The following LMO7 variants were observed in gnomAD, a reference collection of about 807,000 sequenced individuals.
LMO7 encodes the protein LIM domain 7.
In LMO7, 120 loss-of-function variants were observed where a neutral mutation model predicts 206.5. The observed-to-expected ratio is 0.58, with a 90% CI of 0.50 to 0.68. The LOEUF (loss-of-function observed/expected upper bound fraction) is 0.68. LMO7 is among the 30% of genes least tolerant of loss of function. The probability of loss-of-function intolerance (pLI) is 0.00; values close to 1 mark genes in which losing one functional copy is unlikely to be tolerated. For synonymous variants in LMO7, 706 were observed against 681.5 expected (o/e 1.04, Z -0.56); for missense variants, 1,959 against 1,957.9 (o/e 1.00, Z -0.01).
intron 1 of LMO7, among the ~76,000 whole-genome samples, chr13:75,656,943 G>A (rs1357519523): frequency 6.6e-6 from 1 of 152,144 alleles, no homozygotes; most frequent in Admixed American, 6.5e-5. Flanking sequence ...CCCCGGTACC[G>A]CAGAATGTTT....
intron 1 of LMO7, among the ~76,000 whole-genome samples, chr13:75,712,322 A>G (rs1308280403): frequency 6.6e-6 from 1 of 152,150 alleles, no homozygotes; most frequent in African/African-American, 2.4e-5. Flanking sequence ...AGCTGGTGTC[A>G]CTGCTGTTGG....
At chr13:75,724,243 C>G (rs150664849) in intron 2 of LMO7, among the ~76,000 whole-genome samples, 1 of 152,272 alleles carries the variant, frequency 6.6e-6, no homozygotes, top group East Asian at 1.9e-4. Context: ...TTACTAGGTG[C>G]TTCCTTCTGG....
At chr13:75,668,617 C>G (rs370461404) in intron 1 of LMO7, among the ~76,000 whole-genome samples, 2 of 152,152 alleles carry the variant, frequency 1.3e-5, no homozygotes, top group African/African-American at 4.8e-5. Context: ...CAACTCACTT[C>G]CAGTAAATGC....
chr13:75,772,063 G>A (rs1337769521), intron 4 of LMO7, among the ~76,000 whole-genome samples: 2 of 152,140 alleles, frequency 1.3e-5, no homozygotes, highest in Non-Finnish European at 1.5e-5. Context: ...ACTCAGAAAA[G>A]CAAATCCCAA....
At chr13:75,640,613 A>G (rs1327130383) in intron 1 of LMO7, among the ~76,000 whole-genome samples, 1 of 152,154 alleles carries the variant, frequency 6.6e-6, no homozygotes, top group Non-Finnish European at 1.5e-5. Context: ...GTTTTTCTAT[A>G]TTAGTCTATG....
intron 2 of LMO7, among the ~76,000 whole-genome samples, chr13:75,714,633 G>A (rs535020254): frequency 4.1e-4 from 62 of 152,210 alleles, no homozygotes; most frequent in Non-Finnish European, 6.2e-4. Context: ...GTTTCTTGTC[G>A]TCTTCCAATG....
At chr13:75,830,801 G>A (rs958023363) in intron 15 of LMO7, among the ~76,000 whole-genome samples, 4 of 152,134 alleles carry the variant, frequency 2.6e-5, no homozygotes, top group East Asian at 3.9e-4. Flanking sequence ...TGGTAGAAAA[G>A]GATAATGTTC....
intron 1 of LMO7, among the ~76,000 whole-genome samples, chr13:75,677,548 C>A (rs908943503): frequency 6.6e-6 from 1 of 152,038 alleles, no homozygotes. Flanking sequence ...ATACATAATC[C>A]AGCCAAATTT....
At chr13:75,841,529 C>A in intron 23 of LMO7, 99 bp from the exon 24 acceptor site, 1 of 863,862 alleles carries the variant, frequency 1.2e-6, no homozygotes, top group Non-Finnish European at 1.8e-6. Flanking sequence ...CCTGGGCCAA[C>A]TATAGTTAGT....
rs747937206 is a variant in LMO7 at position 75,804,475 on chromosome 13, A to G, written c.848A>G (p.Lys283Arg). The G allele has an allele frequency of 6.2e-7, 1 of 1,614,202 alleles. No individual in the cohort carries two copies. Among genetic ancestry groups the G allele is most frequent in the South Asian group, 1.1e-5 (1 of 91,086 alleles). ...CCTCTGAGAAAGAAAAAGCCAGACA[A>G]ACATGAGGATAACAGAAGAAGTTGG... ...PAPLRKKKPDKHEDNRRSWAS... is the reference protein window; with the variant it reads ...PAPLRKKKPDRHEDNRRSWAS... The change falls in exon 8 of 31, where the codon AAA becomes AGA. Residue 283 changes from lysine to arginine, a missense_variant. Transcript: ENST00000377534.
At chr13:75,822,440 A>C (rs550648865) in intron 14 of LMO7, among the ~76,000 whole-genome samples, 1 of 152,284 alleles carries the variant, frequency 6.6e-6, no homozygotes, top group Admixed American at 6.5e-5. Context: ...TAGACTCAGA[A>C]AAATATTATC....
intron 8 of LMO7, chr13:75,805,276 G>T (rs2055292671): frequency 1.0e-6 from 1 of 970,286 alleles, no homozygotes; most frequent in East Asian, 2.7e-5. Context: ...AGTATCTTTG[G>T]CCCGTGTGTA....
intron 4 of LMO7, among the ~76,000 whole-genome samples, chr13:75,771,581 G>GAATTTTTAAAGACTTTAAAAACAT (rs1159457353): frequency 1.3e-5 from 2 of 152,072 alleles, no homozygotes; most frequent in African/African-American, 4.8e-5. Context: ...TTTAAAAACA[G>GAATTTTTAAAGACTTTAAAAACAT]AATTAGTAAG....
chr13:75,857,665 T>C (rs997959840), intron 30 of LMO7: 18 of 313,454 alleles, frequency 5.7e-5, no homozygotes, highest in African/African-American at 3.4e-4. Flanking sequence ...TTTTCTCTCC[T>C]CCAAAACAAA....
intron 3 of LMO7, among the ~76,000 whole-genome samples, chr13:75,744,524 C>G (rs1300654329): frequency 6.6e-6 from 1 of 152,130 alleles, no homozygotes; most frequent in Non-Finnish European, 1.5e-5. Context: ...TCATACATGA[C>G]AGTTTCGTTC....
chr13:75,714,889 T>TAA (rs879473668), intron 2 of LMO7, among the ~76,000 whole-genome samples: 1 of 143,176 alleles, frequency 7.0e-6, no homozygotes. Flanking sequence ...ATGTTTGCAG[T>TAA]AAAAAAAAAA....
At chr13:75,721,922 T>A (rs2044054300) in intron 2 of LMO7, among the ~76,000 whole-genome samples, 1 of 152,224 alleles carries the variant, frequency 6.6e-6, no homozygotes, top group African/African-American at 2.4e-5. Context: ...AGCCAACTGC[T>A]CTTCCACAAA....
At chr13:75,646,225 A>AG (rs2036994241) in intron 1 of LMO7, among the ~76,000 whole-genome samples, 1 of 152,238 alleles carries the variant, frequency 6.6e-6, no homozygotes, top group South Asian at 2.1e-4. Context: ...CAATCTGTGA[A>AG]GAAATCCAAC....
chr13:75,831,032 A>T (rs1025509525), intron 15 of LMO7, among the ~76,000 whole-genome samples: 1 of 151,608 alleles, frequency 6.6e-6, no homozygotes, highest in East Asian at 1.9e-4. Flanking sequence ...ATGACCACTT[A>T]TTTTCACTGA....
Sources: gnomAD v4.1 joint callset for allele counts (sites outside exome capture counted in the v4.1 genomes callset) on GRCh38, gnomAD v4.1.1 for gene constraint, MANE v1.5 for transcripts, NCBI Gene and HGNC (gene_info 2026-07-23, HGNC 2026-07-21) for gene names.